Variants in XRCC4 observed in about 807,000 individuals in gnomAD.
XRCC4 encodes DNA repair protein XRCC4.
XRCC4 carries 28 observed loss-of-function variants against 39.1 expected under a neutral mutation model. The ratio of observed to expected loss-of-function variants is 0.72; its 90% CI spans 0.53 to 0.98. The LOEUF (loss-of-function observed/expected upper bound fraction) is 0.98, where lower values mean the gene tolerates loss of function less well. XRCC4 is among the 50% of genes least tolerant of loss of function. The pLI is 0.00. For missense variants in XRCC4, 350 were observed against 376.4 expected, an observed-to-expected ratio of 0.93 and a Z score of 0.58; for synonymous variants, 123 against 126.4, an observed-to-expected ratio of 0.97 and a Z score of 0.18.
chr5:83,132,960 G>A (rs1315263718), intron 3 of XRCC4, among the ~76,000 whole-genome samples: 2 of 152,078 alleles, frequency 1.3e-5, no homozygotes, highest in African/African-American at 4.8e-5. Flanking sequence ...GAGGAGAGGA[G>A]GTGCTCTGAT....
rs767473778 is a variant in XRCC4 at position 83,198,503 on chromosome 5, ATATATT to A, written c.482+2573_482+2578del. On this transcript the variant is annotated intron_variant, in intron 4 of 7. Transcript: ENST00000396027. ...ACAATATCCCATTGTTTGCAAAAAA[ATATATT>A]TATATAGAGAGTATCTGGAAGAAGA... Among the ~76,000 whole-genome samples the A allele has an allele frequency of 5.3e-5, 8 of 152,292 alleles. No homozygotes were observed. In the East Asian group the frequency reaches 7.7e-4, roughly 15 times the overall value.
intron 6 of XRCC4, among the ~76,000 whole-genome samples, chr5:83,205,589 T>C (rs1751389842): frequency 6.6e-6 from 1 of 152,160 alleles, no homozygotes; most frequent in African/African-American, 2.4e-5. Context: ...ACCAATACTA[T>C]TAAAATAAAT....
At chr5:83,218,383 T>C (rs1751955502) in intron 6 of XRCC4, among the ~76,000 whole-genome samples, 2 of 151,932 alleles carry the variant, frequency 1.3e-5, no homozygotes, top group South Asian at 4.2e-4. Flanking sequence ...CTGTGTTAGA[T>C]GGTTTCGACT....
intron 6 of XRCC4, among the ~76,000 whole-genome samples, chr5:83,245,256 G>A (rs560505703): frequency 2.2e-4 from 34 of 151,802 alleles, no homozygotes; most frequent in South Asian, 1.7e-3. Context: ...ACTATTCAGC[G>A]CTTAAATCAT....
chr5:83,195,477 A>G (rs894172490), intron 3 of XRCC4, among the ~76,000 whole-genome samples: 2 of 152,140 alleles, frequency 1.3e-5, no homozygotes, highest in African/African-American at 4.8e-5. Flanking sequence ...TAGCAAACAG[A>G]TGGTAGTAAG....
At chr5:83,151,323 G>A (rs563591380) in intron 3 of XRCC4, among the ~76,000 whole-genome samples, 4 of 152,192 alleles carry the variant, frequency 2.6e-5, no homozygotes, top group Middle Eastern at 3.4e-3. Context: ...GAACCAGAAT[G>A]AGTTTTATTA....
chr5:83,168,589 A>G (rs949973712), intron 3 of XRCC4, among the ~76,000 whole-genome samples: 3 of 152,270 alleles, frequency 2.0e-5, no homozygotes, highest in Non-Finnish European at 4.4e-5. Context: ...TTTCATGCAT[A>G]CTAAAACATG....
chr5:83,316,518 C>G (rs1364464675), intron 7 of XRCC4, among the ~76,000 whole-genome samples: 1 of 150,286 alleles, frequency 6.7e-6, no homozygotes, highest in African/African-American at 2.5e-5. Context: ...ATCTACCAAG[C>G]CAATGGAAAA....
chr5:83,111,819 T>G (rs1255622522), intron 3 of XRCC4, among the ~76,000 whole-genome samples: 1 of 152,176 alleles, frequency 6.6e-6, no homozygotes, highest in Non-Finnish European at 1.5e-5. Flanking sequence ...ACTAATTATT[T>G]GTATATTTTA....
chr5:83,342,689 C>A (rs1351588327), intron 7 of XRCC4, among the ~76,000 whole-genome samples: 1 of 152,114 alleles, frequency 6.6e-6, no homozygotes, highest in African/African-American at 2.4e-5. Context: ...ACTGGTTTTA[C>A]TGAATCTGGA....
chr5:83,285,376 G>A (rs968222530), intron 7 of XRCC4, among the ~76,000 whole-genome samples: 1 of 152,142 alleles, frequency 6.6e-6, no homozygotes, highest in Non-Finnish European at 1.5e-5. Context: ...TATGGCTTGT[G>A]AAGTTAAAAA....
In XRCC4 at chr5:83,334,804, T is replaced by C. The variant is rs1580524613; in HGVS notation, c.894-18327T>C. On this transcript the variant is annotated intron_variant, in intron 7 of 7. Transcript: ENST00000396027. ...TGCAATGCATATGTAGTGATTTATA[T>C]ACCAAAAAATAAATAATTTTTGTGG... is the stretch of plus-strand genomic sequence containing the variant. Among the ~76,000 whole-genome samples, 4 of 152,134 alleles carry C rather than the reference T, an allele frequency of 2.6e-5. No homozygotes were observed. In the East Asian group the frequency reaches 7.7e-4, roughly 29 times the overall value.
chr5:83,091,288 G>C (rs115477231), intron 1 of XRCC4, among the ~76,000 whole-genome samples: 1 of 152,126 alleles, frequency 6.6e-6, no homozygotes, highest in Non-Finnish European at 1.5e-5. Flanking sequence ...GGAAAAGCAG[G>C]CAGGCATATC....
At chr5:83,191,569 C>T (rs545887024) in intron 3 of XRCC4, among the ~76,000 whole-genome samples, 29 of 152,096 alleles carry the variant, frequency 1.9e-4, no homozygotes, top group Admixed American at 1.4e-3. Context: ...GCATGGTGGC[C>T]CACCCCTGTA....
At chr5:83,164,284 C>T (rs950480672) in intron 3 of XRCC4, among the ~76,000 whole-genome samples, 5 of 152,022 alleles carry the variant, frequency 3.3e-5, no homozygotes, top group African/African-American at 7.2e-5. Context: ...GAATTTCAAA[C>T]GTTTAAGTTG....
At position 83,224,824 on chromosome 5, in the gene XRCC4, TA is replaced by T. The variant is rs1314297243; in HGVS notation, c.745+19911del. Among the ~76,000 whole-genome samples, 4 of 152,152 alleles carry T rather than the reference TA, an allele frequency of 2.6e-5. No homozygotes were observed. In the East Asian group the frequency reaches 7.7e-4, roughly 29 times the overall value. On this transcript the variant is annotated intron_variant, in intron 6 of 7. Transcript: ENST00000396027. ...GATGTATGATTTCCATGTGGCACTT[TA>T]AAAAAAACTTTCTGTCTCTTCATTG...
At chr5:83,369,028 G>A in the XRCC4 span, among the ~76,000 whole-genome samples, 87 of 152,186 alleles carry the variant, frequency 5.7e-4, no homozygotes, top group East Asian at 0.011. Context: ...TTCAACTAGA[G>A]GTATTAGAAA....
intron 7 of XRCC4, among the ~76,000 whole-genome samples, chr5:83,351,829 T>A (rs1352441359): frequency 6.6e-6 from 1 of 152,200 alleles, no homozygotes; most frequent in African/African-American, 2.4e-5. Context: ...AACTCATTTC[T>A]AATAATCTGT....
At chr5:83,156,463 G>C (rs1216085216) in intron 3 of XRCC4, among the ~76,000 whole-genome samples, 1 of 151,900 alleles carries the variant, frequency 6.6e-6, no homozygotes, top group African/African-American at 2.4e-5. Context: ...AAATTTTCCT[G>C]ATTGACAAAG....
Sources: allele counts gnomAD v4.1 joint callset (sites outside exome capture counted in the v4.1 genomes callset), GRCh38; gene constraint gnomAD v4.1.1; transcripts MANE v1.5; gene names NCBI Gene and HGNC (gene_info 2026-07-23, HGNC 2026-07-21).